The following CDR2 variants were observed in gnomAD, a reference collection of about 807,000 sequenced individuals.
CDR2 encodes the protein cerebellar degeneration related protein 2, also known as cerebellar degeneration-related protein 2.
A neutral mutation model predicts 48.4 loss-of-function variants in CDR2; 34 were observed. The observed-to-expected ratio is 0.70, with a 90% confidence interval of 0.53 to 0.94. The LOEUF (loss-of-function observed/expected upper bound fraction) is 0.94. Ranked by LOEUF, CDR2 falls within the 40% of genes least tolerant of loss-of-function variation. The pLI is 0.00. For missense variants in CDR2, 498 were observed against 549.5 expected (o/e 0.91, Z 0.94); for synonymous variants, 240 against 219.7 (o/e 1.09, Z -0.82).
rs2048906726 is a variant in CDR2 at position 22,346,636 on chromosome 16, T to C, written c.*329A>G. ...CTTAGCTTTGTTCTAACTCGACCCTTTTCCCCCATACTGTAGTAACTCCAG... is the reference window on the plus strand; with the variant it reads ...CTTAGCTTTGTTCTAACTCGACCCTCTTCCCCCATACTGTAGTAACTCCAG... On this transcript the variant is annotated 3_prime_UTR_variant, in exon 5 of 5. Transcript: ENST00000268383. The C allele has an allele frequency of 7.4e-6, 2 of 269,098 alleles. No homozygotes were observed. Among genetic ancestry groups the C allele is most frequent in the East Asian group, 1.4e-4 (2 of 13,984 alleles). The allele number at this position is 269,098 out of a possible 1,614,324, so 16.7% of individuals were successfully genotyped here. A position where few individuals can be genotyped will look rare whatever the true frequency, so the allele number is the denominator to read the frequency against.
chr16:22,361,053 A>G (rs745663667), intron 2 of CDR2, among the ~76,000 whole-genome samples: 2 of 152,142 alleles, frequency 1.3e-5, no homozygotes, highest in Non-Finnish European at 1.5e-5. Flanking sequence ...CAAGCTGTGT[A>G]TTACTTTGTA....
intron 2 of CDR2, among the ~76,000 whole-genome samples, chr16:22,353,543 C>T (rs967805337): frequency 5.3e-5 from 8 of 152,304 alleles, no homozygotes; most frequent in South Asian, 2.1e-4. Context: ...CCTCCTCCCT[C>T]TCTACCAGGG....
chr16:22,360,573 T>C (rs927659487), intron 2 of CDR2, among the ~76,000 whole-genome samples: 2 of 152,094 alleles, frequency 1.3e-5, no homozygotes, highest in Admixed American at 6.5e-5. Context: ...CTTAGGGATC[T>C]TGTCCTAGTA....
chr16:22,364,463 C>T lies in CDR2; in HGVS notation c.192+439G>A, dbSNP rs111290059. 1.3e-3 allele frequency among the ~76,000 whole-genome samples: 192 copies of T among 151,852 alleles called. 2 individuals carry two copies. The highest frequency in any genetic ancestry group is 4.2e-3 in the African/African-American group (172 of 41,388). On this transcript the variant is annotated intron_variant, in intron 2 of 4. Transcript: ENST00000268383. The stretch of plus-strand genomic sequence containing the variant: ...AAGGAGGAGGTATAAGTTCCCTCTC[C>T]GGTGGGAAGTTCAAGAGTGTGGGCA...
intron 2 of CDR2, among the ~76,000 whole-genome samples, chr16:22,352,095 T>C (rs1044619017): frequency 3.9e-5 from 6 of 152,006 alleles, no homozygotes; most frequent in African/African-American, 1.4e-4. Flanking sequence ...CTAATAAAAA[T>C]ACAAAAATTA....
chr16:22,350,794 C>A (rs986172606), intron 2 of CDR2, among the ~76,000 whole-genome samples: 19 of 152,074 alleles, frequency 1.2e-4, no homozygotes, highest in Non-Finnish European at 2.6e-4. Context: ...ACATAACAAT[C>A]CCTTAAGACA....
At chr16:22,350,138 G>A (rs62044805) in intron 2 of CDR2, among the ~76,000 whole-genome samples, 1 of 151,632 alleles carries the variant, frequency 6.6e-6, no homozygotes, top group Non-Finnish European at 1.5e-5. Flanking sequence ...GCAATGAGCC[G>A]AGATGGCGCC....
chr16:22,374,268 C>T lies in CDR2; in HGVS notation c.42G>A (p.Glu14=), dbSNP rs142449417. The T allele has an allele frequency of 6.2e-7, 1 of 1,604,042 alleles. No individual in the cohort carries two copies. Among genetic ancestry groups the T allele is most frequent in the South Asian group, 1.1e-5 (1 of 89,752 alleles). Residue 14 remains glutamate, a synonymous_variant, in exon 1 of 5, where the codon GAG becomes GAA. Transcript: ENST00000268383. ...ENLVEEFEMK[E]DEPWYDHQDL... ...CCTGGTGGTCGTACCACGGCTCGTC[C>T]TCCTTCATCTCAAACTCCTCTACCA... is the stretch of plus-strand genomic sequence containing the variant.
intron 2 of CDR2, among the ~76,000 whole-genome samples, chr16:22,361,208 T>C (rs1038188340): frequency 6.6e-6 from 1 of 152,212 alleles, no homozygotes; most frequent in Non-Finnish European, 1.5e-5. Context: ...CTCAACTCCT[T>C]ATCTAGGAAT....
rs934147056 is a variant in CDR2 at position 22,346,572 on chromosome 16, T to C, written c.*393A>G. ...GAGTTTGACAGCCTTCTGACTTTCA[T>C]CGTTTTGAGAAGTTGCGCAAGGAAG... On this transcript the variant is annotated 3_prime_UTR_variant, in exon 5 of 5. Transcript: ENST00000268383. The C allele has an allele frequency of 5.5e-6, 1 of 181,722 alleles. No individual in the cohort carries two copies. The highest frequency in any genetic ancestry group is 1.2e-5 in the Non-Finnish European group (1 of 85,636). 11.3% of individuals were successfully genotyped at this position (181,722 alleles called of 1,614,324 possible).
chr16:22,351,826 CT>C (rs1276258237), intron 2 of CDR2, among the ~76,000 whole-genome samples: 1 of 152,176 alleles, frequency 6.6e-6, no homozygotes, highest in Non-Finnish European at 1.5e-5. Flanking sequence ...CCTGAAGACA[CT>C]AAAACACAGT....
intron 1 of CDR2, chr16:22,368,802 C>T (rs992019628): frequency 1.3e-5 from 2 of 152,180 alleles, no homozygotes; most frequent in Non-Finnish European, 2.9e-5. Context: ...ATTTCTTCTA[C>T]TTGTTTTCAC....
At chr16:22,352,595 G>C (rs2141844749) in intron 2 of CDR2, among the ~76,000 whole-genome samples, 1 of 152,066 alleles carries the variant, frequency 6.6e-6, no homozygotes, top group East Asian at 1.9e-4. Flanking sequence ...TAATATTTCT[G>C]CATCAAAAAG....
intron 2 of CDR2, among the ~76,000 whole-genome samples, chr16:22,350,858 AAT>A (rs2048937226): frequency 6.6e-6 from 1 of 152,320 alleles, no homozygotes. Context: ...GTTTAACAGA[AAT>A]AAAGCCTAAC....
chr16:22,350,211 G>A (rs1181392791), intron 2 of CDR2, among the ~76,000 whole-genome samples: 1 of 151,788 alleles, frequency 6.6e-6, no homozygotes, highest in Non-Finnish European at 1.5e-5. Flanking sequence ...AAAGATACCT[G>A]CTGTTCTGCT....
At chr16:22,370,789 A>T (rs2049070582) in intron 1 of CDR2, among the ~76,000 whole-genome samples, 1 of 152,252 alleles carries the variant, frequency 6.6e-6, no homozygotes, top group African/African-American at 2.4e-5. Context: ...AGAAATTTCC[A>T]GCAATTTCAA....
intron 1 of CDR2, among the ~76,000 whole-genome samples, chr16:22,371,176 A>C (rs1296556169): frequency 6.6e-6 from 1 of 151,620 alleles, no homozygotes; most frequent in African/African-American, 2.4e-5. Context: ...GTGCCACTGC[A>C]CTCCAGCCTG....
At chr16:22,370,649 G>C (rs911734943) in intron 1 of CDR2, among the ~76,000 whole-genome samples, 1 of 152,138 alleles carries the variant, frequency 6.6e-6, no homozygotes, top group Admixed American at 6.5e-5. Context: ...AGCCAACTCA[G>C]CTCTCTGACA....
chr16:22,367,943 C>T (rs911065180), intron 1 of CDR2, among the ~76,000 whole-genome samples: 3 of 152,072 alleles, frequency 2.0e-5, no homozygotes, highest in Admixed American at 2.0e-4. Flanking sequence ...CTTTAGAGGC[C>T]AGGTGCAGTG....
Sources: allele counts gnomAD v4.1 joint callset (sites outside exome capture counted in the v4.1 genomes callset), GRCh38; gene constraint gnomAD v4.1.1; transcripts MANE v1.5; gene names NCBI Gene and HGNC (gene_info 2026-07-23, HGNC 2026-07-21).